SDK1: variants seen among roughly 807,000 people sequenced by gnomAD.
SDK1 encodes protein sidekick-1.
In SDK1, 157 loss-of-function variants were observed where a neutral mutation model predicts 245.5. The observed-to-expected ratio is 0.64, with a 90% CI of 0.56 to 0.73. SDK1 has a LOEUF of 0.73. Ranked by LOEUF, SDK1 falls within the 30% of genes least tolerant of loss-of-function variation. The pLI, the probability that SDK1 is intolerant of heterozygous loss-of-function variation, is 0.00. For synonymous variants in SDK1, 1,647 were observed against 1,278.5 expected, an observed-to-expected ratio of 1.29 and a Z score of -6.15; for missense variants, 3,583 against 3,002.3, an observed-to-expected ratio of 1.19 and a Z score of -4.52.
intron 32 of SDK1, among the ~76,000 whole-genome samples, chr7:4,168,467 T>C (rs957516965): frequency 1.4e-4 from 22 of 152,314 alleles, no homozygotes; most frequent in African/African-American, 5.1e-4. Flanking sequence ...TTCCCCTCCA[T>C]CTTCCAGCCC....
At chr7:3,844,594 A>C (rs937360111) in intron 5 of SDK1, among the ~76,000 whole-genome samples, 2 of 152,164 alleles carry the variant, frequency 1.3e-5, no homozygotes, top group Non-Finnish European at 2.9e-5. Context: ...ATGAAACTGA[A>C]TTTTACTACA....
intron 4 of SDK1, among the ~76,000 whole-genome samples, chr7:3,775,302 A>C (rs1373185858): frequency 6.6e-6 from 1 of 152,184 alleles, no homozygotes; most frequent in African/African-American, 2.4e-5. Context: ...GTCATTTTGT[A>C]AGTCAAAAGC....
At chr7:4,088,266 C>T (rs202145275) in intron 22 of SDK1, among the ~76,000 whole-genome samples, 8 of 152,232 alleles carry the variant, frequency 5.3e-5, no homozygotes, top group East Asian at 1.9e-4. Context: ...CTGTTAATGG[C>T]GACAGTTTTT....
intron 4 of SDK1, among the ~76,000 whole-genome samples, chr7:3,698,602 T>A (rs1484672272): frequency 6.6e-6 from 1 of 152,110 alleles, no homozygotes; most frequent in African/African-American, 2.4e-5. Flanking sequence ...CCACAAATAC[T>A]GGGGCTTAGA....
intron 1 of SDK1, among the ~76,000 whole-genome samples, chr7:3,606,401 G>A (rs1284073772): frequency 1.3e-5 from 2 of 152,184 alleles, no homozygotes; most frequent in African/African-American, 4.8e-5. Context: ...AGTGCGGAGT[G>A]AGGTAGTGAA....
intron 22 of SDK1, among the ~76,000 whole-genome samples, chr7:4,087,656 C>T (rs1054623189): frequency 1.2e-4 from 18 of 152,338 alleles, no homozygotes; most frequent in African/African-American, 3.8e-4. Context: ...TCTAATCCTG[C>T]CTTCACCTGC....
At chr7:3,317,122 A>G (rs1779682477) in intron 1 of SDK1, among the ~76,000 whole-genome samples, 2 of 135,536 alleles carry the variant, frequency 1.5e-5, no homozygotes, top group Non-Finnish European at 3.1e-5. Context: ...TCAAGTCTGC[A>G]GTGAGCCATG....
intron 35 of SDK1, among the ~76,000 whole-genome samples, chr7:4,203,654 C>T (rs868159030): frequency 1.1e-4 from 16 of 152,204 alleles, no homozygotes; most frequent in South Asian, 4.1e-4. Context: ...ACACGCTTTA[C>T]GGAGAAGGAG....
intron 5 of SDK1, among the ~76,000 whole-genome samples, chr7:3,822,023 A>G (rs1449784977): frequency 1.3e-5 from 2 of 152,236 alleles, no homozygotes; most frequent in East Asian, 3.8e-4. Context: ...GTATTTAAGC[A>G]TAATCAGTTG....
chr7:4,080,150 G>T (rs527429979), intron 22 of SDK1, among the ~76,000 whole-genome samples: 23 of 152,118 alleles, frequency 1.5e-4, no homozygotes, highest in Non-Finnish European at 3.2e-4. Flanking sequence ...GTGGGTGCTG[G>T]AGGGAGGGGA....
intron 22 of SDK1, among the ~76,000 whole-genome samples, chr7:4,098,605 G>A (rs949306911): frequency 6.6e-6 from 1 of 151,930 alleles, no homozygotes; most frequent in South Asian, 2.1e-4. Context: ...TTCTCCCTCC[G>A]AGAATTCACA....
intron 1 of SDK1, among the ~76,000 whole-genome samples, chr7:3,483,406 T>G (rs1264945202): frequency 6.6e-6 from 1 of 152,174 alleles, no homozygotes; most frequent in Non-Finnish European, 1.5e-5. Context: ...AGAAGGCTGT[T>G]GAGTTTTGTG....
At chr7:3,781,126 A>T (rs902862562) in intron 4 of SDK1, among the ~76,000 whole-genome samples, 1 of 152,086 alleles carries the variant, frequency 6.6e-6, no homozygotes, top group African/African-American at 2.4e-5. Context: ...TTCCTAAGGA[A>T]CATAGCCTCT....
At chr7:3,850,274 T>C (rs1341486913) in intron 5 of SDK1, among the ~76,000 whole-genome samples, 1 of 152,210 alleles carries the variant, frequency 6.6e-6, no homozygotes, top group East Asian at 1.9e-4. Flanking sequence ...AGCAATGCTA[T>C]GTATCTCATG....
chr7:3,549,525 T>C (rs1779335417), intron 1 of SDK1, among the ~76,000 whole-genome samples: 2 of 152,216 alleles, frequency 1.3e-5, no homozygotes, highest in African/African-American at 4.8e-5. Context: ...CAGTATTCAG[T>C]GTGAAGTAGG....
chr7:3,848,578 A>G (rs1329172285), intron 5 of SDK1, among the ~76,000 whole-genome samples: 1 of 152,214 alleles, frequency 6.6e-6, no homozygotes, highest in Non-Finnish European at 1.5e-5. Context: ...CTGTGTTTGA[A>G]AAGTTCATAG....
chr7:4,173,169 G>C (rs148367994), intron 32 of SDK1, among the ~76,000 whole-genome samples: 1 of 152,200 alleles, frequency 6.6e-6, no homozygotes, highest in Admixed American at 6.5e-5. Context: ...TCGTGGCCTC[G>C]TCTTCAGCCA....
chr7:3,458,153 G>C (rs1522502), intron 1 of SDK1, among the ~76,000 whole-genome samples: 1 of 151,072 alleles, frequency 6.6e-6, no homozygotes, highest in Non-Finnish European at 1.5e-5. Context: ...ATTGATATTC[G>C]TTGATGTGGC....
intron 5 of SDK1, among the ~76,000 whole-genome samples, chr7:3,898,362 G>A (rs902582155): frequency 8.5e-5 from 13 of 152,060 alleles, no homozygotes; most frequent in African/African-American, 1.4e-4. Flanking sequence ...CCTGCTGTCC[G>A]GTACAATGTC....
Sources: gnomAD v4.1 joint callset for allele counts (sites outside exome capture counted in the v4.1 genomes callset) on GRCh38, gnomAD v4.1.1 for gene constraint, MANE v1.5 for transcripts, NCBI Gene and HGNC (gene_info 2026-07-23, HGNC 2026-07-21) for gene names.